Variants in PRMT2 observed in about 807,000 individuals in gnomAD.
PRMT2 encodes the protein protein arginine N-methyltransferase 2.
In PRMT2, 26 loss-of-function variants were observed where a neutral mutation model predicts 57.6. The observed-to-expected ratio is 0.45, with a 90% CI of 0.33 to 0.63. The LOEUF (loss-of-function observed/expected upper bound fraction) is 0.63, where lower values mean the gene tolerates loss of function less well. Among genes scored for constraint, PRMT2 ranks in the 20% least tolerant of loss-of-function variants. The pLI, the probability that PRMT2 is intolerant of heterozygous loss-of-function variation, is 0.02. For synonymous variants in PRMT2, 219 were observed against 220.0 expected (o/e 1.00, Z 0.04); for missense variants, 472 against 564.4 (o/e 0.84, Z 1.66).
intron 7 of PRMT2, chr21:46,658,436 C>G (rs1447791890): frequency 3.7e-6 from 1 of 272,130 alleles, no homozygotes; most frequent in African/African-American, 2.2e-5. Context: ...AATCTGGTAG[C>G]TACGAGCTCT....
chr21:46,646,722 G>A (rs1269483799), intron 5 of PRMT2, among the ~76,000 whole-genome samples: 2 of 152,126 alleles, frequency 1.3e-5, no homozygotes, highest in Non-Finnish European at 2.9e-5. Context: ...CCTACGGGGT[G>A]TGTGTGTGTA....
intron 10 of PRMT2, among the ~76,000 whole-genome samples, chr21:46,662,542 T>C (rs1019480199): frequency 3.9e-5 from 6 of 152,138 alleles, no homozygotes; most frequent in African/African-American, 1.4e-4. Context: ...AGTCCTGTGG[T>C]GGCCCCTCCA....
chr21:46,664,266 A>T, intron 11 of PRMT2, 29 bp from the exon 12 acceptor site: 1 of 1,531,616 alleles, frequency 6.5e-7, no homozygotes, highest in Non-Finnish European at 9.0e-7. Context: ...TTATCATCTG[A>T]TTGACCTGTT....
chr21:46,645,251 A>G (rs759782603), intron 5 of PRMT2, among the ~76,000 whole-genome samples: 796 of 150,196 alleles, frequency 5.3e-3, no homozygotes, highest in Middle Eastern at 0.011. Flanking sequence ...TGGGCTACAG[A>G]GCGAGAGCCT....
chr21:46,661,566 C>CG, intron 9 of PRMT2: 1 of 142,940 alleles, frequency 7.0e-6, no homozygotes, highest in Non-Finnish European at 1.1e-5. Context: ...AAAGATTCCG[C>CG]AGAATCTGGG....
chr21:46,653,814 A>G (rs1189478926), intron 7 of PRMT2: 1 of 1,059,884 alleles, frequency 9.4e-7, no homozygotes, highest in Non-Finnish European at 1.1e-6. Flanking sequence ...TTGCCACCAC[A>G]TGCTTGAAGG....
chr21:46,643,632 A>T lies in PRMT2; in HGVS notation c.137A>T (p.Glu46Val). Residue 46 changes from glutamate (E) to valine (V), a missense_variant, in exon 4 of 12, where the codon GAG becomes GTG. Physicochemically the swap from Glu to Val is moderately radical, Grantham distance 121 (BLOSUM62 -2). Transcript: ENST00000355680. ...VAIADYAATD[E>V]TQLSFLRGEK... ...ATCGCGGACTACGCTGCCACCGATG[A>T]GACCCAGGTAGCCACACGTGGTGGT... 1.2e-6 allele frequency: 2 copies of T among 1,606,124 alleles called. No individual in the cohort carries two copies. The highest frequency in any genetic ancestry group is 3.6e-4 in the Middle Eastern group (2 of 5,506).
Position 46,644,441 on chromosome 21 carries a change from G to A in PRMT2, c.280G>A (p.Glu94Lys), listed in dbSNP as rs899553433. 2.5e-6 allele frequency: 4 copies of A among 1,601,580 alleles called. No homozygotes were observed. Among genetic ancestry groups the A allele is most frequent in the Admixed American group, 3.5e-5 (2 of 57,180 alleles). Residue 94 changes from glutamate (E) to lysine (K), a missense_variant, in exon 5 of 12, where the codon GAG (glutamate) becomes AAG (lysine). By Grantham distance (56) the Glu-to-Lys change is moderately conservative. Transcript: ENST00000355680. The stretch of plus-strand genomic sequence containing the variant: ...GAAGCACGTGGATGAGTACGACCCC[G>A]AGGACACGTGGCAGGATGAAGAGTA... ...VGKHVDEYDP[E>K]DTWQDEEYFG...
chr21:46,664,238 G>T (rs917432258), intron 11 of PRMT2, 57 bp from the exon 12 acceptor site: 1 of 1,390,282 alleles, frequency 7.2e-7, no homozygotes, highest in African/African-American at 1.4e-5. Flanking sequence ...AGGAAATGTA[G>T]TATGTTAATC....
At chr21:46,654,628 T>C (rs1484697666) in intron 7 of PRMT2, among the ~76,000 whole-genome samples, 1 of 152,112 alleles carries the variant, frequency 6.6e-6, no homozygotes, top group African/African-American at 2.4e-5. Context: ...AAAATAAAAA[T>C]AACAATACAA....
In PRMT2 at chr21:46,653,861, G is replaced by A. The variant is rs541915040; in HGVS notation, c.654+4122G>A. The A allele has an allele frequency of 2.1e-4, 217 of 1,024,622 alleles. 4 individuals are homozygous for A. In the South Asian group the frequency reaches 6.9e-3, roughly 33 times the overall value. The allele number at this position is 1,024,622 out of a possible 1,614,324, so 63.5% of individuals were successfully genotyped here. On this transcript the variant is annotated intron_variant, in intron 7 of 11. Coordinates refer to ENST00000355680, the MANE Select transcript of PRMT2 (RefSeq NM_206962.4). ...CTACACTTAGACATCTCCAACCAAG[G>A]TCTCTTCACCTCCTTCTACAACAAT...
chr21:46,639,502 T>A (rs926458288), intron 3 of PRMT2, among the ~76,000 whole-genome samples: 1 of 152,146 alleles, frequency 6.6e-6, no homozygotes, highest in Admixed American at 6.5e-5. Context: ...CTTTGTATAT[T>A]TTGAGTCCCT....
In PRMT2 at chr21:46,661,826, C is replaced by A. The variant is rs1380034663; in HGVS notation, c.987C>A (p.Asp329Glu). Residue 329 changes from aspartate (D) to glutamate (E), a missense_variant, in exon 10 of 12, where the codon GAC (aspartate) becomes GAA (glutamate). Around this residue, in one of 2 missense-constraint regions of PRMT2, gnomAD observed 229 missense variants for 217.2 expected, o/e 1.05. Transcript: ENST00000355680. ...CCCTGAGGGGCGAGCTGCGCTTCGA[C>A]ATCAGGAAGGCGGGGACCCTGCACG... is the stretch of plus-strand genomic sequence containing the variant. Reference protein sequence around the residue: ...LETLRGELRFDIRKAGTLHGF... With the variant: ...LETLRGELRFEIRKAGTLHGF... 3 of 1,488,704 alleles carry A rather than the reference C, an allele frequency of 2.0e-6. No individual in the cohort carries two copies. In the African/African-American group the frequency reaches 4.3e-5, roughly 21 times the overall value. The allele number at this position is 1,488,704 out of a possible 1,614,324, so 92.2% of individuals were successfully genotyped here. A position where few individuals can be genotyped will look rare whatever the true frequency, so the allele number is the denominator to read the frequency against.
At chr21:46,642,852 A>G (rs2061300422) in intron 3 of PRMT2, among the ~76,000 whole-genome samples, 1 of 152,118 alleles carries the variant, frequency 6.6e-6, no homozygotes, top group Non-Finnish European at 1.5e-5. Flanking sequence ...GTGAAACCCC[A>G]TCTCTACTAA....
In PRMT2 at chr21:46,664,445, C is replaced by T; in HGVS notation, c.*118C>T. 7.8e-7 allele frequency: 1 copy of T among 1,284,594 alleles called. No homozygotes were observed. 79.6% of individuals were successfully genotyped at this position (1,284,594 alleles called of 1,614,324 possible). The stretch of plus-strand genomic sequence containing the variant: ...CGAAAGTCGGTGAACATTCACTCCA[C>T]ATTGACCCCTCCCTAGCCTGGCAGG... On this transcript the variant is annotated 3_prime_UTR_variant, in exon 12 of 12. Coordinates refer to ENST00000355680, the MANE Select transcript of PRMT2 (RefSeq NM_206962.4).
chr21:46,651,705 G>A (rs547370888), intron 7 of PRMT2: 14 of 1,344,410 alleles, frequency 1.0e-5, no homozygotes, highest in Middle Eastern at 2.4e-4. Flanking sequence ...TTCCTATGGC[G>A]ATAGTTGTTG....
chr21:46,641,472 G>C (rs1440099544), intron 3 of PRMT2, among the ~76,000 whole-genome samples: 1 of 152,222 alleles, frequency 6.6e-6, no homozygotes, highest in Non-Finnish European at 1.5e-5. Context: ...CAGATCACTT[G>C]AAGTGGGGAG....
In PRMT2 at chr21:46,650,044, TCTTTA is replaced by T. The variant is rs552469741; in HGVS notation, c.654+306_654+310del. 7.2e-5 allele frequency among the ~76,000 whole-genome samples: 11 copies of T among 152,356 alleles called. No homozygotes were observed. In the South Asian group the frequency reaches 2.3e-3, roughly 32 times the overall value. ...CCTGTGCCTAACAGGTAAGGCTGTT[TCTTTA>T]ATGCCAGTAGGGCCTTCGTCCCTGG... On this transcript the variant is annotated intron_variant, in intron 7 of 11. Transcript: ENST00000355680.
intron 7 of PRMT2, chr21:46,652,590 C>G: frequency 1.0e-6 from 1 of 985,362 alleles, no homozygotes; most frequent in Non-Finnish European, 1.2e-6. Flanking sequence ...CTGATGCTCC[C>G]GATGCTGAGG....
Sources: allele counts gnomAD v4.1 joint callset (sites outside exome capture counted in the v4.1 genomes callset), GRCh38; gene constraint gnomAD v4.1.1; regional missense constraint gnomAD v4.1.1; transcripts MANE v1.5; gene names NCBI Gene and HGNC (gene_info 2026-07-23, HGNC 2026-07-21).